Variants in TENM3 observed in about 807,000 individuals in gnomAD.
TENM3 encodes teneurin transmembrane protein 3, also known as teneurin-3.
TENM3 carries 63 observed loss-of-function variants against 255.1 expected under a neutral mutation model. That is an observed-to-expected ratio of 0.25 (90% CI 0.20 to 0.30). The LOEUF is 0.30. Among genes scored for constraint, TENM3 ranks in the 10% least tolerant of loss-of-function variants. TENM3 has a pLI of 1.00. For missense variants in TENM3, 2,929 were observed against 3,461.1 expected (o/e 0.85, Z 3.86); for synonymous variants, 1,306 against 1,322.3 (o/e 0.99, Z 0.27).
chr4:182,217,672 C>G (rs998751925), intron 1 of TENM3, among the ~76,000 whole-genome samples: 1 of 152,148 alleles, frequency 6.6e-6, no homozygotes, highest in African/African-American at 2.4e-5. Context: ...CCCAAGGCCA[C>G]AAAGCCAACA....
the TENM3 span, among the ~76,000 whole-genome samples, chr4:181,527,738 T>C: frequency 6.6e-6 from 1 of 151,830 alleles, no homozygotes; most frequent in Non-Finnish European, 1.5e-5. Context: ...AAAATAATAA[T>C]AGAAACATTC....
chr4:181,710,619 G>T, the TENM3 span, among the ~76,000 whole-genome samples: 1 of 152,128 alleles, frequency 6.6e-6, no homozygotes, highest in Admixed American at 6.5e-5. Context: ...GGAGGCCAGA[G>T]GCTGAGGCGG....
chr4:182,417,028 C>G (rs1226935235), intron 3 of TENM3, among the ~76,000 whole-genome samples: 1 of 152,108 alleles, frequency 6.6e-6, no homozygotes, highest in Non-Finnish European at 1.5e-5. Context: ...GGCTGGAGTG[C>G]GGTGGTGCGA....
chr4:181,766,049 C>A, the TENM3 span, among the ~76,000 whole-genome samples: 1 of 152,064 alleles, frequency 6.6e-6, no homozygotes, highest in African/African-American at 2.4e-5. Context: ...ATAATTCTGA[C>A]GGAAAGGGTG....
the TENM3 span, among the ~76,000 whole-genome samples, chr4:181,536,402 G>A: frequency 0.048 from 7,317 of 152,274 alleles, 457 homozygotes; most frequent in African/African-American, 0.15. Flanking sequence ...CTGAGATGAC[G>A]TCACTGCAGT....
the TENM3 span, among the ~76,000 whole-genome samples, chr4:181,594,880 G>C: frequency 6.6e-6 from 1 of 152,080 alleles, no homozygotes. Context: ...ACAGAAACTT[G>C]TCCTAACACC....
At chr4:181,495,818 T>C in the TENM3 span, among the ~76,000 whole-genome samples, 149,034 of 150,520 alleles carry the variant, frequency 0.99, 73,796 homozygotes, top group East Asian at 1. Flanking sequence ...AAATACCCAT[T>C]ATCTAAGGAA....
the TENM3 span, chr4:181,821,625 G>C: frequency 6.6e-6 from 1 of 152,194 alleles, no homozygotes; most frequent in Non-Finnish European, 1.5e-5. Context: ...CTGCTGTACA[G>C]AGAGCTTAAA....
intron 1 of TENM3, among the ~76,000 whole-genome samples, chr4:182,231,783 C>T (rs1001349876): frequency 6.6e-6 from 1 of 152,166 alleles, no homozygotes; most frequent in African/African-American, 2.4e-5. Context: ...ACATTCCGAG[C>T]CTGGGATGCA....
intron 2 of TENM3, among the ~76,000 whole-genome samples, chr4:182,345,864 T>G (rs1764765885): frequency 6.6e-6 from 1 of 152,194 alleles, no homozygotes; most frequent in South Asian, 2.1e-4. Flanking sequence ...TCATTAATTT[T>G]TAAATACGTA....
chr4:182,170,988 A>G (rs1294616430), intron 1 of TENM3, among the ~76,000 whole-genome samples: 2 of 152,168 alleles, frequency 1.3e-5, no homozygotes, highest in African/African-American at 2.4e-5. Context: ...TGTTATTCCC[A>G]TAACAGCTAT....
chr4:182,416,855 AC>A (rs1328247356), intron 3 of TENM3, among the ~76,000 whole-genome samples: 1 of 152,246 alleles, frequency 6.6e-6, no homozygotes, highest in Non-Finnish European at 1.5e-5. Context: ...TCGGAGAGGC[AC>A]ACGTTGTCTG....
chr4:182,344,682 T>C (rs1271663573), intron 2 of TENM3, among the ~76,000 whole-genome samples: 1 of 152,084 alleles, frequency 6.6e-6, no homozygotes, highest in African/African-American at 2.4e-5. Context: ...CCTCTCAAAA[T>C]AGAGGCAAAA....
the TENM3 span, among the ~76,000 whole-genome samples, chr4:182,037,330 G>A: frequency 6.6e-6 from 1 of 152,024 alleles, no homozygotes; most frequent in Non-Finnish European, 1.5e-5. Flanking sequence ...TGTATTTTTA[G>A]TAGAGACGGG....
chr4:181,477,506 G>A, the TENM3 span, among the ~76,000 whole-genome samples: 1 of 151,970 alleles, frequency 6.6e-6, no homozygotes, highest in Non-Finnish European at 1.5e-5. Context: ...TATTTTATTA[G>A]AAATATGTAA....
chr4:182,287,551 CT>C (rs1760814540), intron 1 of TENM3, among the ~76,000 whole-genome samples: 1 of 152,128 alleles, frequency 6.6e-6, no homozygotes, highest in Non-Finnish European at 1.5e-5. Flanking sequence ...AGTAGTTGTC[CT>C]CTCCTCAACA....
At chr4:181,548,647 CAAGA>C in the TENM3 span, among the ~76,000 whole-genome samples, 2 of 151,900 alleles carry the variant, frequency 1.3e-5, no homozygotes, top group Non-Finnish European at 2.9e-5. Context: ...AAGATTAAAC[CAAGA>C]AAGAGGGAGA....
At chr4:181,704,627 C>T in the TENM3 span, among the ~76,000 whole-genome samples, 2 of 152,110 alleles carry the variant, frequency 1.3e-5, no homozygotes, top group Non-Finnish European at 2.9e-5. Flanking sequence ...CCATTTTGAT[C>T]ATTGGTTGTT....
the TENM3 span, among the ~76,000 whole-genome samples, chr4:181,961,608 A>T: frequency 6.6e-6 from 1 of 152,012 alleles, no homozygotes; most frequent in Non-Finnish European, 1.5e-5. Flanking sequence ...TTTAGTAGAG[A>T]CGGGCTTTCA....
Sources: gnomAD v4.1 joint callset for allele counts (sites outside exome capture counted in the v4.1 genomes callset) on GRCh38, gnomAD v4.1.1 for gene constraint, MANE v1.5 for transcripts, NCBI Gene and HGNC (gene_info 2026-07-23, HGNC 2026-07-21) for gene names.